ADGRL2: variants seen among roughly 807,000 people sequenced by gnomAD.
The protein encoded by ADGRL2 is calcium-independent alpha-latrotoxin receptor 2.
ADGRL2 carries 44 observed loss-of-function variants against 157.4 expected under a neutral mutation model. That is an observed-to-expected ratio of 0.28 (90% CI 0.22 to 0.36). ADGRL2 has a LOEUF of 0.36. ADGRL2 is among the 10% of genes least tolerant of loss of function. The pLI is 1.00. For synonymous variants in ADGRL2, 585 were observed against 624.7 expected, an observed-to-expected ratio of 0.94 and a Z score of 0.95; for missense variants, 1,510 against 1,768.9, an observed-to-expected ratio of 0.85 and a Z score of 2.63.
intron 1 of ADGRL2, among the ~76,000 whole-genome samples, chr1:81,441,912 T>A (rs2077514983): frequency 6.6e-6 from 1 of 152,140 alleles, no homozygotes; most frequent in African/African-American, 2.4e-5. Flanking sequence ...CGATCATAGC[T>A]CACTGCAGGA....
chr1:81,747,949 C>T (rs2085355207), intron 1 of ADGRL2, among the ~76,000 whole-genome samples: 1 of 152,022 alleles, frequency 6.6e-6, no homozygotes, highest in Non-Finnish European at 1.5e-5. Context: ...AATTATATAA[C>T]AAGAACTAGG....
At chr1:81,500,274 G>A (rs11579165) in intron 2 of ADGRL2, among the ~76,000 whole-genome samples, 37,886 of 152,056 alleles carry the variant, frequency 0.25, 5,132 homozygotes, top group East Asian at 0.53. Flanking sequence ...AAGGACTACC[G>A]TATGATCTAG....
chr1:81,458,745 T>C (rs558452655), intron 2 of ADGRL2, among the ~76,000 whole-genome samples: 65 of 151,854 alleles, frequency 4.3e-4, no homozygotes, highest in African/African-American at 1.5e-3. Flanking sequence ...AAACCAGGAG[T>C]CCCAAGGAGT....
intron 2 of ADGRL2, among the ~76,000 whole-genome samples, chr1:81,841,342 A>G (rs1557752044): frequency 6.6e-6 from 1 of 152,142 alleles, no homozygotes; most frequent in African/African-American, 2.4e-5. Flanking sequence ...TAAGTTCCCT[A>G]AGTACATTTT....
intron 1 of ADGRL2, chr1:81,414,034 G>C (rs1403318764): frequency 6.6e-6 from 1 of 152,170 alleles, no homozygotes; most frequent in Admixed American, 6.5e-5. Flanking sequence ...ATCATTTAAA[G>C]CAATGCAAAA....
chr1:81,311,597 A>G (rs569484549), intron 1 of ADGRL2, among the ~76,000 whole-genome samples: 34 of 152,320 alleles, frequency 2.2e-4, no homozygotes, highest in South Asian at 6.2e-4. Context: ...CTTATGTTAT[A>G]TATTTTTTAA....
At chr1:81,744,775 G>GT (rs2149238130) in intron 1 of ADGRL2, among the ~76,000 whole-genome samples, 1 of 152,236 alleles carries the variant, frequency 6.6e-6, no homozygotes, top group East Asian at 1.9e-4. Flanking sequence ...CTGGATGTCC[G>GT]TATTTAGGTT....
intron 1 of ADGRL2, among the ~76,000 whole-genome samples, chr1:81,728,956 T>C (rs950500929): frequency 7.2e-5 from 11 of 152,164 alleles, no homozygotes; most frequent in African/African-American, 2.6e-4. Flanking sequence ...ACTTCAAATA[T>C]GGGAGCAAAG....
chr1:81,548,702 T>C (rs1436662953), intron 2 of ADGRL2, among the ~76,000 whole-genome samples: 1 of 152,176 alleles, frequency 6.6e-6, no homozygotes, highest in East Asian at 1.9e-4. Context: ...GGATTCAGGT[T>C]AAAATGTAGC....
At chr1:81,328,896 T>C (rs571746094) in intron 1 of ADGRL2, among the ~76,000 whole-genome samples, 1 of 152,026 alleles carries the variant, frequency 6.6e-6, no homozygotes, top group African/African-American at 2.4e-5. Flanking sequence ...GCCCTTTAAC[T>C]GGACTGTTTA....
At chr1:81,403,572 C>A (rs1049699437) in intron 1 of ADGRL2, among the ~76,000 whole-genome samples, 1 of 148,880 alleles carries the variant, frequency 6.7e-6, no homozygotes, top group African/African-American at 2.6e-5. Context: ...GGCCATAACA[C>A]TTTTTCTTTA....
At chr1:81,524,744 G>A (rs562428627) in intron 2 of ADGRL2, among the ~76,000 whole-genome samples, 1 of 152,110 alleles carries the variant, frequency 6.6e-6, no homozygotes, top group Admixed American at 6.5e-5. Flanking sequence ...TTAAAATGGA[G>A]TTTGGGGAGA....
At chr1:81,521,088 C>T (rs1370182395) in intron 2 of ADGRL2, among the ~76,000 whole-genome samples, 1 of 152,174 alleles carries the variant, frequency 6.6e-6, no homozygotes, top group Non-Finnish European at 1.5e-5. Context: ...AAGGAAACGT[C>T]ATCTTTATTC....
chr1:81,935,567 G>A (rs1346127674), intron 3 of ADGRL2, among the ~76,000 whole-genome samples: 1 of 151,734 alleles, frequency 6.6e-6, no homozygotes, highest in Admixed American at 6.6e-5. Context: ...TAGAAACTGG[G>A]ATGCTTTTCA....
intron 1 of ADGRL2, among the ~76,000 whole-genome samples, chr1:81,386,001 T>TTG (rs2076428204): frequency 6.6e-6 from 1 of 152,136 alleles, no homozygotes; most frequent in Non-Finnish European, 1.5e-5. Flanking sequence ...CTTTAGGAAC[T>TTG]TGTGGCTAAT....
At chr1:81,447,669 T>A (rs2077623787) in intron 2 of ADGRL2, among the ~76,000 whole-genome samples, 1 of 152,162 alleles carries the variant, frequency 6.6e-6, no homozygotes, top group Non-Finnish European at 1.5e-5. Context: ...AAAGGCTGAT[T>A]TTTAGAAAAA....
chr1:81,358,674 A>G (rs1354226052), intron 1 of ADGRL2, among the ~76,000 whole-genome samples: 3 of 152,154 alleles, frequency 2.0e-5, no homozygotes, highest in African/African-American at 4.8e-5. Context: ...TGCACTGTAG[A>G]GATTCCAAAA....
chr1:81,385,222 T>C (rs760743159), intron 1 of ADGRL2, among the ~76,000 whole-genome samples: 3 of 152,172 alleles, frequency 2.0e-5, no homozygotes, highest in Non-Finnish European at 4.4e-5. Flanking sequence ...TAAAACCCAC[T>C]ATTATTCTTT....
chr1:81,858,885 T>C (rs1202301003), intron 2 of ADGRL2, among the ~76,000 whole-genome samples: 1 of 152,236 alleles, frequency 6.6e-6, no homozygotes, highest in Non-Finnish European at 1.5e-5. Context: ...TTCAGTCTAC[T>C]ATGGAGTTTT....
Sources: gnomAD v4.1 joint callset for allele counts (sites outside exome capture counted in the v4.1 genomes callset) on GRCh38, gnomAD v4.1.1 for gene constraint, MANE v1.5 for transcripts, NCBI Gene and HGNC (gene_info 2026-07-23, HGNC 2026-07-21) for gene names.